The following KCNH8 variants were observed in gnomAD, a reference collection of about 807,000 sequenced individuals.
KCNH8 encodes voltage-gated delayed rectifier potassium channel KCNH8.
KCNH8 carries 70 observed loss-of-function variants against 103.6 expected under a neutral mutation model. The observed-to-expected ratio is 0.68, with a 90% CI of 0.56 to 0.82. KCNH8 has a LOEUF of 0.82. Among genes scored for constraint, KCNH8 ranks in the 40% least tolerant of loss-of-function variants. The pLI, the probability that KCNH8 is intolerant of heterozygous loss-of-function variation, is 0.00. For missense variants in KCNH8, 1,217 were observed against 1,329.9 expected (o/e 0.92, Z 1.32); for synonymous variants, 498 against 489.4 (o/e 1.02, Z -0.23).
chr3:19,320,329 A>C (rs1200577083), intron 3 of KCNH8, among the ~76,000 whole-genome samples: 1 of 151,726 alleles, frequency 6.6e-6, no homozygotes, highest in Non-Finnish European at 1.5e-5. Context: ...TTAAGGTATG[A>C]CCCTTCTGTG....
At chr3:19,396,098 T>C (rs2066513444) in intron 7 of KCNH8, among the ~76,000 whole-genome samples, 1 of 152,028 alleles carries the variant, frequency 6.6e-6, no homozygotes, top group Admixed American at 6.6e-5. Flanking sequence ...CAGTACCTTA[T>C]GTAGAATTTT....
At chr3:19,250,365 A>G (rs2064261371) in intron 1 of KCNH8, among the ~76,000 whole-genome samples, 1 of 152,236 alleles carries the variant, frequency 6.6e-6, no homozygotes, top group South Asian at 2.1e-4. Context: ...AAATATATCA[A>G]TCTTAGGTTG....
rs2069077212 is a variant in KCNH8, at chr3:19,527,033, C to T, written c.2620-6362C>T. ...TTATTCAATTCTGATCAAAACCAGGCTGCACATCCCTACATTTTGGCTCAC... is the reference window on the plus strand; with the variant it reads ...TTATTCAATTCTGATCAAAACCAGGTTGCACATCCCTACATTTTGGCTCAC... On this transcript the variant is annotated intron_variant, in intron 15 of 15. Coordinates refer to ENST00000328405, the MANE Select transcript of KCNH8 (RefSeq NM_144633.3). 1.3e-5 allele frequency among the ~76,000 whole-genome samples: 2 copies of T among 151,928 alleles called. 1 individual carries two copies. The highest frequency in any genetic ancestry group is 1.3e-4 in the Admixed American group (2 of 15,228).
chr3:19,204,464 C>A lies in KCNH8; in HGVS notation c.77-49190C>A, dbSNP rs117850727. Among the ~76,000 whole-genome samples, 339 of 151,834 alleles carry A rather than the reference C, an allele frequency of 2.2e-3. 3 individuals are homozygous for A. The highest frequency in any genetic ancestry group is 3.6e-3 in the Non-Finnish European group (243 of 67,890). ...AGTGTCTGTGTGTGTGTGTTCTGAA[C>A]GCGATTTAAAAATAAACAGACCTAC... On this transcript the variant is annotated intron_variant, in intron 1 of 15. Transcript: ENST00000328405.
intron 1 of KCNH8, among the ~76,000 whole-genome samples, chr3:19,179,610 A>G (rs534886689): frequency 2.6e-5 from 4 of 152,294 alleles, no homozygotes; most frequent in African/African-American, 9.6e-5. Context: ...AGTTTAACAG[A>G]ATGAAATAAT....
intron 10 of KCNH8, among the ~76,000 whole-genome samples, chr3:19,454,144 CTG>C (rs372400109): frequency 0.14 from 18,263 of 131,058 alleles, 1,063 homozygotes; most frequent in South Asian, 0.15. Flanking sequence ...AGTAAGGCTT[CTG>C]TGTGTGTGTG....
Position 19,267,566 on chromosome 3 carries a change from G to A in KCNH8, c.311-13632G>A, listed in dbSNP as rs190378202. Among the ~76,000 whole-genome samples the A allele has an allele frequency of 4.6e-3, 703 of 152,188 alleles. 3 individuals carry two copies. The highest frequency in any genetic ancestry group is 0.016 in the African/African-American group (646 of 41,556). On this transcript the variant is annotated intron_variant, in intron 2 of 15. Coordinates refer to ENST00000328405, the MANE Select transcript of KCNH8 (RefSeq NM_144633.3). ...GAATGGAAAAAAATGTGACCTTTGTGTGTGAAGGCTCGAGTTTGAGTCCTT... is the reference window on the plus strand; with the variant it reads ...GAATGGAAAAAAATGTGACCTTTGTATGTGAAGGCTCGAGTTTGAGTCCTT...
intron 7 of KCNH8, among the ~76,000 whole-genome samples, chr3:19,415,365 TTTCTGTCTTCC>T (rs2066846745): frequency 6.6e-6 from 1 of 151,666 alleles, no homozygotes; most frequent in South Asian, 2.1e-4. Flanking sequence ...AGAGCTGGGA[TTTCTGTCTTCC>T]TTTTGGGATT....
intron 10 of KCNH8, among the ~76,000 whole-genome samples, chr3:19,454,843 C>G (rs539275761): frequency 6.6e-6 from 1 of 152,166 alleles, no homozygotes; most frequent in African/African-American, 2.4e-5. Flanking sequence ...ATTCTAAACA[C>G]TGGTATGTGG....
At chr3:19,493,216 T>C (rs2068365203) in intron 11 of KCNH8, among the ~76,000 whole-genome samples, 1 of 152,146 alleles carries the variant, frequency 6.6e-6, no homozygotes, top group Non-Finnish European at 1.5e-5. Context: ...CTTTTGTTTC[T>C]TTCTCTTGCT....
At chr3:19,529,588 G>C (rs895346260) in intron 15 of KCNH8, among the ~76,000 whole-genome samples, 4 of 152,148 alleles carry the variant, frequency 2.6e-5, no homozygotes, top group Non-Finnish European at 5.9e-5. Context: ...GGTCCTTCCT[G>C]TTTTAGAATA....
intron 1 of KCNH8, among the ~76,000 whole-genome samples, chr3:19,164,028 T>A (rs1575406285): frequency 6.6e-6 from 1 of 152,342 alleles, no homozygotes; most frequent in East Asian, 1.9e-4. Context: ...AAAAGTTATA[T>A]GCAGATTTTC....
At chr3:19,437,943 A>G (rs925809686) in intron 7 of KCNH8, among the ~76,000 whole-genome samples, 15 of 152,206 alleles carry the variant, frequency 9.9e-5, no homozygotes, top group Admixed American at 2.6e-4. Context: ...TCTGGAATTC[A>G]TATTTATATG....
intron 3 of KCNH8, among the ~76,000 whole-genome samples, chr3:19,325,181 C>G (rs1453599010): frequency 1.3e-5 from 2 of 152,092 alleles, no homozygotes; most frequent in Non-Finnish European, 2.9e-5. Flanking sequence ...CTTCCTTACA[C>G]CATATTAAAA....
At chr3:19,300,829 T>C (rs1344293496) in intron 3 of KCNH8, among the ~76,000 whole-genome samples, 2 of 151,496 alleles carry the variant, frequency 1.3e-5, no homozygotes, top group South Asian at 2.1e-4. Context: ...TTAAGTAATA[T>C]TAATTTTTAA....
At chr3:19,397,253 G>C (rs1184630945) in intron 7 of KCNH8, among the ~76,000 whole-genome samples, 3 of 151,910 alleles carry the variant, frequency 2.0e-5, no homozygotes, top group Admixed American at 6.6e-5. Context: ...CTCGCAGAGA[G>C]AGCATTGTCA....
chr3:19,246,970 G>A (rs926625135), intron 1 of KCNH8, among the ~76,000 whole-genome samples: 7 of 152,202 alleles, frequency 4.6e-5, no homozygotes, highest in South Asian at 2.1e-4. Context: ...AAACAGATGC[G>A]GTTTTCTGCT....
chr3:19,467,207 G>C (rs1295397015), intron 11 of KCNH8, among the ~76,000 whole-genome samples: 1 of 152,026 alleles, frequency 6.6e-6, no homozygotes, highest in African/African-American at 2.4e-5. Context: ...CGTATAGAGA[G>C]TCCATAAAAT....
chr3:19,307,267 A>G (rs1253538367), intron 3 of KCNH8, among the ~76,000 whole-genome samples: 6 of 152,070 alleles, frequency 3.9e-5, no homozygotes, highest in African/African-American at 1.4e-4. Context: ...ACATTTTTCA[A>G]AAGAAAACAA....
Sources: allele counts gnomAD v4.1 joint callset (sites outside exome capture counted in the v4.1 genomes callset), GRCh38; gene constraint gnomAD v4.1.1; transcripts MANE v1.5; gene names NCBI Gene and HGNC (gene_info 2026-07-23, HGNC 2026-07-21).